ARHGAP42: variants seen among roughly 807,000 people sequenced by gnomAD.
ARHGAP42 encodes the protein rho GTPase-activating protein 42.
Under a neutral mutation model 125.0 loss-of-function variants are expected in ARHGAP42, and 63 were observed. That is an observed-to-expected ratio of 0.50 (90% CI 0.41 to 0.62). The LOEUF (loss-of-function observed/expected upper bound fraction) is 0.62, where lower values mean the gene tolerates loss of function less well. Among genes scored for constraint, ARHGAP42 ranks in the 20% least tolerant of loss-of-function variants. The pLI is 0.00. For synonymous variants in ARHGAP42, 339 were observed against 351.0 expected (o/e 0.97, Z 0.38); for missense variants, 766 against 1,024.2 (o/e 0.75, Z 3.44).
At chr11:100,788,187 G>T (rs898598511) in intron 2 of ARHGAP42, among the ~76,000 whole-genome samples, 1 of 152,120 alleles carries the variant, frequency 6.6e-6, no homozygotes, top group East Asian at 1.9e-4. Flanking sequence ...TCATCTGATT[G>T]CATGGCTTCA....
At chr11:100,705,954 A>ACTTCTGTG (rs1449729985) in intron 1 of ARHGAP42, among the ~76,000 whole-genome samples, 1 of 146,414 alleles carries the variant, frequency 6.8e-6, no homozygotes, top group Non-Finnish European at 1.5e-5. Flanking sequence ...GTGCACCTGT[A>ACTTCTGTG]CTTCTGTGGA....
chr11:100,779,557 C>CGTATATATACGTATACAT (rs1565210737), intron 2 of ARHGAP42, among the ~76,000 whole-genome samples: 4 of 137,806 alleles, frequency 2.9e-5, no homozygotes, highest in Non-Finnish European at 6.1e-5. Context: ...TATACATATA[C>CGTATATATACGTATACAT]ATACGTATAT....
chr11:100,748,815 G>A (rs1258330189), intron 1 of ARHGAP42, among the ~76,000 whole-genome samples: 4 of 152,250 alleles, frequency 2.6e-5, no homozygotes, highest in African/African-American at 9.6e-5. Flanking sequence ...TGGTATTGGA[G>A]TGTTACAGGG....
intron 1 of ARHGAP42, among the ~76,000 whole-genome samples, chr11:100,766,598 A>G (rs1403692470): frequency 2.0e-5 from 3 of 152,200 alleles, no homozygotes; most frequent in African/African-American, 4.8e-5. Flanking sequence ...AATTAATGGA[A>G]GATATTGGGC....
intron 3 of ARHGAP42, among the ~76,000 whole-genome samples, chr11:100,858,390 A>C (rs1312331363): frequency 6.6e-6 from 1 of 151,998 alleles, no homozygotes; most frequent in Non-Finnish European, 1.5e-5. Context: ...TCTTCTTTTC[A>C]AGATCTGTCA....
At chr11:100,762,265 A>G (rs753936119) in intron 1 of ARHGAP42, among the ~76,000 whole-genome samples, 14 of 152,296 alleles carry the variant, frequency 9.2e-5, no homozygotes, top group Admixed American at 2.6e-4. Flanking sequence ...GTGCCCAAAC[A>G]ACCATGTTGT....
intron 3 of ARHGAP42, among the ~76,000 whole-genome samples, chr11:100,848,701 T>C (rs983116869): frequency 5.9e-5 from 9 of 152,044 alleles, no homozygotes; most frequent in Non-Finnish European, 4.4e-5. Context: ...AGACAGGGTT[T>C]TACCATGATG....
chr11:100,872,350 C>T (rs769952454), intron 4 of ARHGAP42, among the ~76,000 whole-genome samples: 3 of 151,898 alleles, frequency 2.0e-5, no homozygotes, highest in Non-Finnish European at 2.9e-5. Context: ...AGACTTTTTA[C>T]TATGTTTTAG....
chr11:100,810,281 C>T (rs1330585671), intron 3 of ARHGAP42, among the ~76,000 whole-genome samples: 1 of 152,100 alleles, frequency 6.6e-6, no homozygotes, highest in Non-Finnish European at 1.5e-5. Context: ...ATGGTTTTAA[C>T]CAACATTCTT....
At chr11:100,889,361 T>C (rs1866165763) in intron 4 of ARHGAP42, among the ~76,000 whole-genome samples, 1 of 151,874 alleles carries the variant, frequency 6.6e-6, no homozygotes, top group South Asian at 2.1e-4. Flanking sequence ...ATTGAGAGAG[T>C]CCTTTCTTTT....
intron 4 of ARHGAP42, among the ~76,000 whole-genome samples, chr11:100,900,753 C>T (rs1488446104): frequency 6.6e-6 from 1 of 152,112 alleles, no homozygotes; most frequent in Non-Finnish European, 1.5e-5. Flanking sequence ...TGGTTTTCAG[C>T]TCCATCAGGT....
At chr11:100,964,724 A>G (rs1158028801) in intron 16 of ARHGAP42, among the ~76,000 whole-genome samples, 1 of 152,226 alleles carries the variant, frequency 6.6e-6, no homozygotes, top group Non-Finnish European at 1.5e-5. Context: ...GACACTTGCC[A>G]TAAATGAGTT....
At chr11:100,779,535 T>TATCCGTATATATATACGTATAC (rs1863231999) in intron 2 of ARHGAP42, among the ~76,000 whole-genome samples, 1 of 134,504 alleles carries the variant, frequency 7.4e-6, no homozygotes, top group Non-Finnish European at 1.6e-5. Context: ...CATGCGTATA[T>TATCCGTATATATATACGTATAC]ATACGTATAT....
chr11:100,908,347 A>G (rs1383051814), intron 4 of ARHGAP42, among the ~76,000 whole-genome samples: 1 of 152,128 alleles, frequency 6.6e-6, no homozygotes, highest in Non-Finnish European at 1.5e-5. Context: ...TGTACCCATC[A>G]CCTGAATAGT....
At chr11:100,922,559 T>C (rs1185870406) in intron 6 of ARHGAP42, among the ~76,000 whole-genome samples, 1 of 152,160 alleles carries the variant, frequency 6.6e-6, no homozygotes. Context: ...AAATATCTAA[T>C]CTAAGCCATT....
At chr11:100,730,219 A>G (rs1285288986) in intron 1 of ARHGAP42, among the ~76,000 whole-genome samples, 1 of 152,030 alleles carries the variant, frequency 6.6e-6, no homozygotes, top group Non-Finnish European at 1.5e-5. Flanking sequence ...CAAGGACATC[A>G]TGATTTTTTT....
At chr11:100,850,221 A>G (rs1439846151) in intron 3 of ARHGAP42, among the ~76,000 whole-genome samples, 2 of 152,188 alleles carry the variant, frequency 1.3e-5, no homozygotes, top group Admixed American at 6.6e-5. Flanking sequence ...AGGGAAAATA[A>G]CTACTTTTGA....
At chr11:100,888,795 A>G (rs1207734219) in intron 4 of ARHGAP42, among the ~76,000 whole-genome samples, 1 of 152,176 alleles carries the variant, frequency 6.6e-6, no homozygotes, top group African/African-American at 2.4e-5. Context: ...GCCCTGGTAA[A>G]GTAATGGTGG....
intron 3 of ARHGAP42, among the ~76,000 whole-genome samples, chr11:100,849,425 A>G (rs1865151128): frequency 6.6e-6 from 1 of 152,218 alleles, no homozygotes; most frequent in Non-Finnish European, 1.5e-5. Flanking sequence ...GCTATGACTA[A>G]GAGCCTGTGC....
Sources: gnomAD v4.1 joint callset for allele counts (sites outside exome capture counted in the v4.1 genomes callset) on GRCh38, gnomAD v4.1.1 for gene constraint, MANE v1.5 for transcripts, NCBI Gene and HGNC (gene_info 2026-07-23, HGNC 2026-07-21) for gene names.